SEMA3D: variants seen among roughly 807,000 people sequenced by gnomAD.
The protein encoded by SEMA3D is semaphorin-3D.
Under a neutral mutation model 100.1 loss-of-function variants are expected in SEMA3D, and 84 were observed. The ratio of observed to expected loss-of-function variants is 0.84; its 90% CI spans 0.70 to 1.01. The LOEUF (loss-of-function observed/expected upper bound fraction) is 1.01, where lower values mean the gene tolerates loss of function less well. SEMA3D is among the 50% of genes least tolerant of loss of function. SEMA3D has a pLI of 0.00. For synonymous variants in SEMA3D, 312 were observed against 320.7 expected (o/e 0.97, Z 0.29); for missense variants, 875 against 934.1 (o/e 0.94, Z 0.82).
chr7:85,119,960 T>G (rs1388364776), intron 3 of SEMA3D, among the ~76,000 whole-genome samples: 2 of 77,224 alleles, frequency 2.6e-5, no homozygotes, highest in African/African-American at 1.1e-4. Context: ...ATTAAGTGAA[T>G]TTTTTTTTTT....
chr7:85,233,552 T>G, the SEMA3D span, among the ~76,000 whole-genome samples: 1 of 152,188 alleles, frequency 6.6e-6, no homozygotes, highest in Admixed American at 6.5e-5. Context: ...GAACTTCAGT[T>G]TAGTCTGGCC....
chr7:85,208,856 A>G, the SEMA3D span, among the ~76,000 whole-genome samples: 1 of 152,092 alleles, frequency 6.6e-6, no homozygotes, highest in Non-Finnish European at 1.5e-5. Context: ...TACACGCAAT[A>G]CTACAAATAA....
chr7:84,999,963 G>C lies in SEMA3D; in HGVS notation c.1909-98C>G. The C allele has an allele frequency of 6.7e-6, 6 of 891,384 alleles. No individual in the cohort carries two copies. The South Asian group carries it at 1.0e-4, about 15-fold the overall frequency. The allele number at this position is 891,384 out of a possible 1,614,324, so 55.2% of individuals were successfully genotyped here. The stretch of plus-strand genomic sequence containing the variant: ...TAGTTTTACTTAGATGAATATGAAA[G>C]ACATATTCATTGTCTCTCTGTCTCT... On this transcript the variant is annotated intron_variant, in intron 18 of 18. Coordinates refer to ENST00000284136, the MANE Select transcript of SEMA3D (RefSeq NM_001384900.1).
chr7:85,146,375 T>C (rs573929860), intron 2 of SEMA3D, among the ~76,000 whole-genome samples: 2 of 151,758 alleles, frequency 1.3e-5, no homozygotes, highest in East Asian at 1.9e-4. Flanking sequence ...GCCAACATGG[T>C]GAAACCCCAT....
intron 13 of SEMA3D, among the ~76,000 whole-genome samples, chr7:85,021,554 A>G (rs1169959216): frequency 1.3e-5 from 2 of 151,936 alleles, no homozygotes; most frequent in Middle Eastern, 3.4e-3. Flanking sequence ...CCTAACTTCT[A>G]TAAGATCCAT....
At chr7:85,202,585 C>T in the SEMA3D span, among the ~76,000 whole-genome samples, 67 of 152,066 alleles carry the variant, frequency 4.4e-4, 1 homozygote, top group East Asian at 0.011. Flanking sequence ...TTTTCGCAAC[C>T]TACTCATCTG....
intron 7 of SEMA3D, 68 bp from the exon 8 acceptor site, chr7:85,065,620 A>G: frequency 1.7e-6 from 2 of 1,182,982 alleles, no homozygotes; most frequent in Admixed American, 3.6e-5. Context: ...AACATGTACA[A>G]ATTTCACAGC....
At position 85,064,387 on chromosome 7, in the gene SEMA3D, T is replaced by G. The variant is rs570072384; in HGVS notation, c.718+1037A>C. Reference sequence around the variant, plus strand: ...ATGGGTAATCACGTAGTCATGGATATTCTATATTTGTTTTCCCTTTTAAGA... The same window carrying G: ...ATGGGTAATCACGTAGTCATGGATAGTCTATATTTGTTTTCCCTTTTAAGA... On this transcript the variant is annotated intron_variant, in intron 8 of 18. Transcript: ENST00000284136. Among the ~76,000 whole-genome samples, 4 of 152,350 alleles carry G rather than the reference T, an allele frequency of 2.6e-5. No homozygotes were observed. In the East Asian group the frequency reaches 7.7e-4, roughly 29 times the overall value.
chr7:85,167,257 G>T (rs1013314114), intron 1 of SEMA3D: 20 of 984,404 alleles, frequency 2.0e-5, no homozygotes, highest in Non-Finnish European at 2.3e-5. Context: ...CTCATCTGGA[G>T]GTCTTGGCTG....
intron 12 of SEMA3D, among the ~76,000 whole-genome samples, chr7:85,035,305 T>C (rs1421114280): frequency 2.0e-5 from 3 of 151,466 alleles, no homozygotes; most frequent in Admixed American, 1.3e-4. Flanking sequence ...TATATACAGG[T>C]GATGCATATA....
At chr7:85,244,476 A>G in the SEMA3D span, among the ~76,000 whole-genome samples, 1 of 152,112 alleles carries the variant, frequency 6.6e-6, no homozygotes, top group African/African-American at 2.4e-5. Flanking sequence ...CTTTGTGATT[A>G]TTTTGTTTAT....
intron 1 of SEMA3D, among the ~76,000 whole-genome samples, chr7:85,173,956 C>T (rs903365573): frequency 5.3e-5 from 8 of 152,148 alleles, no homozygotes; most frequent in African/African-American, 1.7e-4. Context: ...CTTTTAGTTA[C>T]TAAAGTGAGT....
chr7:85,197,009 A>AT, the SEMA3D span, among the ~76,000 whole-genome samples: 30 of 141,474 alleles, frequency 2.1e-4, no homozygotes, highest in East Asian at 2.5e-3. Flanking sequence ...TTCTCATCAG[A>AT]TTTTTTTTTT....
chr7:85,214,201 A>G, the SEMA3D span, among the ~76,000 whole-genome samples: 3 of 152,144 alleles, frequency 2.0e-5, no homozygotes, highest in Non-Finnish European at 2.9e-5. Flanking sequence ...CTTCTCTAAC[A>G]ACTGGGATCC....
intron 9 of SEMA3D, among the ~76,000 whole-genome samples, chr7:85,047,716 T>A (rs1481304684): frequency 6.6e-6 from 1 of 151,842 alleles, no homozygotes; most frequent in Non-Finnish European, 1.5e-5. Flanking sequence ...GTAACCCTAT[T>A]CATGAGTTTA....
At chr7:85,052,034 G>A (rs181970122) in intron 9 of SEMA3D, among the ~76,000 whole-genome samples, 33 of 152,042 alleles carry the variant, frequency 2.2e-4, no homozygotes, top group Admixed American at 1.8e-3. Flanking sequence ...CTATTGGTCA[G>A]CCCTATGTAT....
the SEMA3D span, among the ~76,000 whole-genome samples, chr7:85,224,018 T>C: frequency 6.6e-6 from 1 of 152,288 alleles, no homozygotes; most frequent in Admixed American, 6.6e-5. Context: ...TTTTATTATA[T>C]GTTGTCACAT....
intron 2 of SEMA3D, among the ~76,000 whole-genome samples, chr7:85,131,630 G>A (rs551421526): frequency 3.7e-4 from 56 of 151,968 alleles, no homozygotes; most frequent in Non-Finnish European, 1.5e-4. Flanking sequence ...TTCTAAAGGG[G>A]AAAACAAATT....
chr7:85,142,168 C>T, intron 2 of SEMA3D: 1 of 984,744 alleles, frequency 1.0e-6, no homozygotes, highest in Non-Finnish European at 1.2e-6. Context: ...GGACAATTCG[C>T]TCAGTGTCTC....
Sources: allele counts gnomAD v4.1 joint callset (sites outside exome capture counted in the v4.1 genomes callset), GRCh38; gene constraint gnomAD v4.1.1; transcripts MANE v1.5; gene names NCBI Gene and HGNC (gene_info 2026-07-23, HGNC 2026-07-21).